The following CSMD1 variants were observed in gnomAD, a reference collection of about 807,000 sequenced individuals.
The protein encoded by CSMD1 is CUB and sushi domain-containing protein 1.
Under a neutral mutation model 417.5 loss-of-function variants are expected in CSMD1, and 213 were observed. The ratio of observed to expected loss-of-function variants is 0.51; its 90% confidence interval spans 0.46 to 0.57. The LOEUF (loss-of-function observed/expected upper bound fraction) is 0.57, where lower values mean the gene tolerates loss of function less well. CSMD1 is among the 20% of genes least tolerant of loss of function. CSMD1 has a pLI of 0.00. For synonymous variants in CSMD1, 2,862 were observed against 1,736.8 expected (o/e 1.65, Z -16.11); for missense variants, 6,923 against 4,529.7 (o/e 1.53, Z -15.17).
At chr8:3,145,337 C>T (rs1444566271) in intron 40 of CSMD1, among the ~76,000 whole-genome samples, 2 of 152,206 alleles carry the variant, frequency 1.3e-5, no homozygotes, top group East Asian at 1.9e-4. Flanking sequence ...ACTTCAGATG[C>T]GCATATGCAG....
chr8:4,731,089 C>G (rs952354720), intron 1 of CSMD1, among the ~76,000 whole-genome samples: 4 of 152,168 alleles, frequency 2.6e-5, no homozygotes, highest in African/African-American at 4.8e-5. Flanking sequence ...AGACCATTAC[C>G]AGCTGTAACC....
At chr8:4,685,081 C>T (rs945008747) in intron 1 of CSMD1, among the ~76,000 whole-genome samples, 7 of 152,156 alleles carry the variant, frequency 4.6e-5, no homozygotes, top group Non-Finnish European at 1.0e-4. Context: ...CGAGCAACTC[C>T]AACATATTTA....
chr8:4,418,680 G>C (rs773146975), intron 3 of CSMD1, among the ~76,000 whole-genome samples: 1 of 152,144 alleles, frequency 6.6e-6, no homozygotes, highest in Non-Finnish European at 1.5e-5. Context: ...TGTGAATTTA[G>C]AGTTTATATG....
intron 3 of CSMD1, among the ~76,000 whole-genome samples, chr8:4,381,584 G>C (rs1803106832): frequency 1.3e-5 from 2 of 152,032 alleles, no homozygotes; most frequent in African/African-American, 4.8e-5. Flanking sequence ...CAAAAGCAAT[G>C]ACCACTTCCC....
chr8:3,292,504 C>A (rs568371189), intron 25 of CSMD1, among the ~76,000 whole-genome samples: 1 of 152,090 alleles, frequency 6.6e-6, no homozygotes, highest in Admixed American at 6.6e-5. Flanking sequence ...CAAGAATCTG[C>A]GTGCTCCTGT....
In CSMD1 at chr8:4,928,231, G is replaced by A. The variant is rs28375507; in HGVS notation, c.85+66101C>T. ...GCTGACCAGCATGTCTTGCTCTCTTGCTTCCACTGGATCTCAGCTCAAACC... is the reference window on the plus strand; with the variant it reads ...GCTGACCAGCATGTCTTGCTCTCTTACTTCCACTGGATCTCAGCTCAAACC... On this transcript the variant is annotated intron_variant, in intron 1 of 69. Coordinates refer to ENST00000635120, the MANE Select transcript of CSMD1 (RefSeq NM_033225.6). Among the ~76,000 whole-genome samples, 1,233 of 152,196 alleles carry A rather than the reference G, an allele frequency of 8.1e-3. 14 individuals carry two copies. Among genetic ancestry groups the A allele is most frequent in the African/African-American group, 0.028 (1,151 of 41,510 alleles).
intron 1 of CSMD1, among the ~76,000 whole-genome samples, chr8:4,840,294 G>A (rs1421094889): frequency 1.0e-5 from 1 of 97,530 alleles, no homozygotes; most frequent in Non-Finnish European, 2.3e-5. Context: ...TTTTGCTACT[G>A]TTACTCTTCC....
chr8:3,477,973 T>G (rs1373739707), intron 11 of CSMD1, among the ~76,000 whole-genome samples: 2 of 152,230 alleles, frequency 1.3e-5, no homozygotes, highest in African/African-American at 4.8e-5. Flanking sequence ...TTTCATTGAA[T>G]AAATAATCAT....
rs142260475 is a variant in CSMD1 at position 3,907,804 on chromosome 8, G to A, written c.818+90099C>T. 1.1e-4 allele frequency among the ~76,000 whole-genome samples: 16 copies of A among 152,278 alleles called. No homozygotes were observed. The East Asian group carries it at 2.1e-3, about 20-fold the overall frequency. Reference sequence around the variant, plus strand: ...AATCACCCGCTGCTCGTATCAAACAGCCCAAGATATCTCTTCCGTAGTTCT... The same window carrying A: ...AATCACCCGCTGCTCGTATCAAACAACCCAAGATATCTCTTCCGTAGTTCT... On this transcript the variant is annotated intron_variant, in intron 5 of 69. Coordinates refer to ENST00000635120, the MANE Select transcript of CSMD1 (RefSeq NM_033225.6).
intron 7 of CSMD1, among the ~76,000 whole-genome samples, chr8:3,697,654 A>C (rs972791720): frequency 3.9e-5 from 6 of 152,186 alleles, no homozygotes; most frequent in African/African-American, 1.4e-4. Context: ...GCCAAACATG[A>C]ATCATTCATA....
chr8:2,940,314 G>A (rs1335531331), intron 69 of CSMD1, among the ~76,000 whole-genome samples: 1 of 152,136 alleles, frequency 6.6e-6, no homozygotes, highest in Non-Finnish European at 1.5e-5. Flanking sequence ...AAGACCCAAT[G>A]GATTGAGAAG....
At chr8:3,058,405 C>T (rs1171676396) in intron 49 of CSMD1, among the ~76,000 whole-genome samples, 1 of 152,114 alleles carries the variant, frequency 6.6e-6, no homozygotes, top group Non-Finnish European at 1.5e-5. Flanking sequence ...AAATATTTTG[C>T]AATCATTACA....
intron 47 of CSMD1, among the ~76,000 whole-genome samples, chr8:3,095,300 T>A (rs1416805914): frequency 1.3e-5 from 2 of 152,174 alleles, no homozygotes; most frequent in East Asian, 3.8e-4. Flanking sequence ...AATTTTTGCA[T>A]AATACCTAAT....
chr8:4,426,838 ATT>A (rs1412383514), intron 2 of CSMD1, among the ~76,000 whole-genome samples: 1 of 151,056 alleles, frequency 6.6e-6, no homozygotes, highest in Admixed American at 6.6e-5. Flanking sequence ...AGTATACTAT[ATT>A]ATGTACTATA....
intron 52 of CSMD1, among the ~76,000 whole-genome samples, chr8:3,007,409 T>A (rs1808023268): frequency 6.6e-6 from 1 of 151,448 alleles, no homozygotes; most frequent in Non-Finnish European, 1.5e-5. Context: ...GACCCAGCCA[T>A]CCCATTACTG....
At chr8:4,542,367 T>C (rs1797430837) in intron 2 of CSMD1, among the ~76,000 whole-genome samples, 1 of 152,074 alleles carries the variant, frequency 6.6e-6, no homozygotes, top group Non-Finnish European at 1.5e-5. Flanking sequence ...AAAAAAAAAG[T>C]TTTAATTTTT....
At chr8:4,071,412 A>C (rs1367670947) in intron 3 of CSMD1, among the ~76,000 whole-genome samples, 1 of 152,142 alleles carries the variant, frequency 6.6e-6, no homozygotes, top group East Asian at 1.9e-4. Context: ...AAAAAATTGT[A>C]GTTTAGATAT....
chr8:4,282,048 C>T (rs1015064740), intron 3 of CSMD1, among the ~76,000 whole-genome samples: 21 of 152,216 alleles, frequency 1.4e-4, no homozygotes, highest in South Asian at 6.2e-4. Context: ...AAACACTTTC[C>T]CTGGGTTGTA....
intron 20 of CSMD1, among the ~76,000 whole-genome samples, chr8:3,366,417 A>G (rs1362014918): frequency 1.3e-5 from 2 of 152,364 alleles, no homozygotes; most frequent in East Asian, 3.9e-4. Flanking sequence ...ATAGAACTAT[A>G]CAAATTAAAC....
Sources: gnomAD v4.1 joint callset for allele counts (sites outside exome capture counted in the v4.1 genomes callset) on GRCh38, gnomAD v4.1.1 for gene constraint, MANE v1.5 for transcripts, NCBI Gene and HGNC (gene_info 2026-07-23, HGNC 2026-07-21) for gene names.